The following ECT2 variants were observed in gnomAD, a reference collection of about 807,000 sequenced individuals.
ECT2 encodes protein ECT2.
In ECT2, 61 loss-of-function variants were observed where a neutral mutation model predicts 116.9. The ratio of observed to expected loss-of-function variants is 0.52; its 90% CI spans 0.42 to 0.65. The LOEUF (loss-of-function observed/expected upper bound fraction) is 0.65, where lower values mean the gene tolerates loss of function less well. ECT2 is among the 30% of genes least tolerant of loss of function. The pLI, the probability that ECT2 is intolerant of heterozygous loss-of-function variation, is 0.00. For missense variants in ECT2, 937 were observed against 1,078.7 expected (o/e 0.87, Z 1.84); for synonymous variants, 358 against 346.4 (o/e 1.03, Z -0.37).
chr3:172,760,672 AG>A (rs1329983815), intron 7 of ECT2, among the ~76,000 whole-genome samples: 1 of 139,822 alleles, frequency 7.2e-6, no homozygotes, highest in Non-Finnish European at 1.5e-5. Flanking sequence ...ATAACATTGT[AG>A]GAATTGTGAA....
chr3:172,760,529 G>A (rs1718042070), intron 7 of ECT2, among the ~76,000 whole-genome samples: 1 of 151,602 alleles, frequency 6.6e-6, no homozygotes, highest in East Asian at 1.9e-4. Context: ...TGATCCTCCT[G>A]CCTTGGCCTC....
chr3:172,805,368 G>A (rs1325938771), intron 20 of ECT2, among the ~76,000 whole-genome samples: 1 of 151,642 alleles, frequency 6.6e-6, no homozygotes, highest in Admixed American at 6.6e-5. Flanking sequence ...TAATTGTTTT[G>A]CTTAGCCAAC....
In ECT2 at chr3:172,782,939, T is replaced by C. The variant is rs539254820; in HGVS notation, c.1617+708T>C. Among the ~76,000 whole-genome samples, 369 of 152,304 alleles carry C rather than the reference T, an allele frequency of 2.4e-3. 2 individuals carry two copies. The highest frequency in any genetic ancestry group is 3.8e-3 in the Admixed American group (58 of 15,276). ...TGTACCACATTTTCTTTATCAAGTC[T>C]ATCATTGATGGGCGCTTAGGTTGAC... On this transcript the variant is annotated intron_variant, in intron 15 of 24. Coordinates refer to ENST00000392692, the MANE Select transcript of ECT2 (RefSeq NM_001258315.2).
chr3:172,822,675 TAAGA>T (rs1730738851), downstream of ECT2, among the ~76,000 whole-genome samples: 1 of 151,904 alleles, frequency 6.6e-6, no homozygotes, highest in South Asian at 2.1e-4. Context: ...AAAGATAATA[TAAGA>T]AAGAACTCAT....
In ECT2 at chr3:172,805,860, G is replaced by C. The variant is rs1171233799; in HGVS notation, c.2236G>C (p.Glu746Gln). ...GATTAAGAAGGTATTGGACATAAGAGAGACAGAAGGTATGCCGGTCGGATA... is the reference window on the plus strand; with the variant it reads ...GATTAAGAAGGTATTGGACATAAGACAGACAGAAGGTATGCCGGTCGGATA... ...SQIKKVLDIR[E>Q]TEDCHNAFAL... is the part of the protein sequence containing the mutation. Residue 746 changes from glutamate to glutamine, a missense_variant, in exon 21 of 25, where the codon GAG (glutamate) becomes CAG (glutamine). Transcript: ENST00000392692. 1.9e-6 allele frequency: 3 copies of C among 1,612,946 alleles called. No individual in the cohort carries two copies. Among genetic ancestry groups the C allele is most frequent in the Admixed American group, 1.7e-5 (1 of 59,890 alleles).
intron 1 of ECT2, 21 bp from the exon 2 acceptor site, chr3:172,754,488 A>T: frequency 6.6e-7 from 1 of 1,508,922 alleles, no homozygotes; most frequent in Non-Finnish European, 8.9e-7. Flanking sequence ...ATGTATTTTT[A>T]TTCAAATTTT....
At position 172,820,296 on chromosome 3, in the gene ECT2, A is replaced by C; in HGVS notation, c.*59A>C. On this transcript the variant is annotated 3_prime_UTR_variant, in exon 25 of 25. Coordinates refer to ENST00000392692, the MANE Select transcript of ECT2 (RefSeq NM_001258315.2). ...TAGACACCTCATACTCAAATAAGAA[A>C]CTGACTTAAATGGTACTTGTAATTA... 2.4e-6 allele frequency: 3 copies of C among 1,247,670 alleles called. No homozygotes were observed. The highest frequency in any genetic ancestry group is 3.3e-6 in the Non-Finnish European group (3 of 897,828). The allele number at this position is 1,247,670 out of a possible 1,614,324, so 77.3% of individuals were successfully genotyped here.
rs1226832120 is a variant in ECT2 at position 172,770,242 on chromosome 3, C to CA, written c.1428+1105dup. Reference sequence around the variant, plus strand: ...AATGATTCAAAATGTGGTTGAGTAGCAAAAAATCCCTTTGGCATATACTAT... The same window carrying CA: ...AATGATTCAAAATGTGGTTGAGTAGCAAAAAAATCCCTTTGGCATATACTAT... On this transcript the variant is annotated intron_variant, in intron 13 of 24. Coordinates refer to ENST00000392692, the MANE Select transcript of ECT2 (RefSeq NM_001258315.2). 3.3e-5 allele frequency among the ~76,000 whole-genome samples: 5 copies of CA among 152,174 alleles called. No individual in the cohort carries two copies. In the East Asian group the frequency reaches 7.7e-4, roughly 23 times the overall value.
rs1458563129 is a variant in ECT2 at position 172,820,140 on chromosome 3, C to G, written c.2656-8C>G. On this transcript the variant is annotated splice_region_variant and splice_polypyrimidine_tract_variant and intron_variant, in intron 24 of 24. Transcript: ENST00000392692. ...TTAAAATATGAAATGTTTGTTTTGT[C>G]TTAACAGGGTATCCCTTCTCCCTCC... 1 of 1,599,022 alleles carries G rather than the reference C, an allele frequency of 6.3e-7. No individual in the cohort carries two copies. Among genetic ancestry groups the G allele is most frequent in the South Asian group, 1.1e-5 (1 of 89,720 alleles).
rs1393304201 is a variant in ECT2 at position 172,762,919 on chromosome 3, G to A, written c.1015G>A (p.Gly339Arg). Residue 339 changes from glycine to arginine, a missense_variant, in exon 11 of 25, where the codon GGA becomes AGA. Transcript: ENST00000392692. ...LYVVKQEWFW[G>R]SIQMDARAGE... ...TTTTTCTCTCACCTAGTGGTTCTGG[G>A]GAAGCATTCAAATGGATGCCCGAGC... is the stretch of plus-strand genomic sequence containing the variant. 2 of 1,613,706 alleles carry A rather than the reference G, an allele frequency of 1.2e-6. No individual in the cohort carries two copies. The highest frequency in any genetic ancestry group is 1.7e-6 in the Non-Finnish European group (2 of 1,179,766).
In ECT2 at chr3:172,808,363, AC is replaced by A. The variant is rs1245853921; in HGVS notation, c.2400+441del. Among the ~76,000 whole-genome samples the A allele has an allele frequency of 1.2e-4, 18 of 150,108 alleles. No homozygotes were observed. In the Admixed American group the frequency reaches 1.2e-3, roughly 10 times the overall value. ...AATGCTAGGATTACAGGCGTGAGCCACCGTGCCTGGCCAAAAAAAAAAAAAA... is the reference window on the plus strand; with the variant it reads ...AATGCTAGGATTACAGGCGTGAGCCACGTGCCTGGCCAAAAAAAAAAAAAA... On this transcript the variant is annotated intron_variant, in intron 22 of 24. Coordinates refer to ENST00000392692, the MANE Select transcript of ECT2 (RefSeq NM_001258315.2).
chr3:172,827,852 T>C, the ECT2 span, among the ~76,000 whole-genome samples: 2 of 152,198 alleles, frequency 1.3e-5, no homozygotes, highest in Admixed American at 6.5e-5. Context: ...GGCCTAGACA[T>C]CAATCAAAGC....
chr3:172,789,186 G>T (rs1458021009), intron 18 of ECT2, among the ~76,000 whole-genome samples: 1 of 151,432 alleles, frequency 6.6e-6, no homozygotes, highest in Non-Finnish European at 1.5e-5. Flanking sequence ...GGCTGGGATG[G>T]CTGTGGTAAT....
chr3:172,818,726 A>T, intron 24 of ECT2: 3 of 1,288,756 alleles, frequency 2.3e-6, no homozygotes, highest in Non-Finnish European at 3.0e-6. Flanking sequence ...TCAAATTTCA[A>T]AAAAGTTCTT....
chr3:172,794,613 T>C (rs1725277579), intron 18 of ECT2, among the ~76,000 whole-genome samples: 1 of 149,614 alleles, frequency 6.7e-6, no homozygotes, highest in Non-Finnish European at 1.5e-5. Context: ...GAGCATCTTG[T>C]CAGTTTCCAA....
intron 18 of ECT2, among the ~76,000 whole-genome samples, chr3:172,800,472 A>G (rs1043065029): frequency 6.6e-6 from 1 of 152,142 alleles, no homozygotes. Context: ...CCTTCTCTTT[A>G]TTATTAGAAC....
intron 11 of ECT2, 24 bp downstream of exon 11, chr3:172,762,996 T>C (rs373313106): frequency 9.6e-5 from 154 of 1,610,088 alleles, no homozygotes; most frequent in Admixed American, 1.9e-4. Flanking sequence ...CCCTTACTTA[T>C]TTGTTCTGTG....
At chr3:172,801,036 A>T (rs1726618927) in intron 18 of ECT2, among the ~76,000 whole-genome samples, 1 of 152,178 alleles carries the variant, frequency 6.6e-6, no homozygotes, top group African/African-American at 2.4e-5. Context: ...TAAAATGTTC[A>T]ATCTTTCTTG....
intron 5 of ECT2, among the ~76,000 whole-genome samples, chr3:172,758,153 C>T (rs1449478161): frequency 6.6e-6 from 1 of 152,148 alleles, no homozygotes; most frequent in East Asian, 1.9e-4. Flanking sequence ...AGCCACCGTG[C>T]CCCGCTTCTT....
Sources: gnomAD v4.1 joint callset for allele counts (sites outside exome capture counted in the v4.1 genomes callset) on GRCh38, gnomAD v4.1.1 for gene constraint, MANE v1.5 for transcripts, NCBI Gene and HGNC (gene_info 2026-07-23, HGNC 2026-07-21) for gene names.